SAMSN1: variants seen among roughly 807,000 people sequenced by gnomAD.
SAMSN1 encodes SAM domain, SH3 domain and nuclear localization signals 1.
A neutral mutation model predicts 42.0 loss-of-function variants in SAMSN1; 31 were observed. That is an observed-to-expected ratio of 0.74 (90% CI 0.55 to 1.00). The LOEUF (loss-of-function observed/expected upper bound fraction) is 1.00, where lower values mean the gene tolerates loss of function less well. SAMSN1 is among the 50% of genes least tolerant of loss of function. The pLI is 0.00. For missense variants in SAMSN1, 464 were observed against 439.4 expected (o/e 1.06, Z -0.50); for synonymous variants, 178 against 151.9 (o/e 1.17, Z -1.26).
At chr21:14,650,962 C>T (rs1379856186) in intron 1 of SAMSN1, among the ~76,000 whole-genome samples, 1 of 151,774 alleles carries the variant, frequency 6.6e-6, no homozygotes, top group Non-Finnish European at 1.5e-5. Context: ...ATACAACCTA[C>T]CAAGATTGAA....
chr21:14,522,589 T>C (rs1158568461), intron 1 of SAMSN1, among the ~76,000 whole-genome samples: 3 of 152,076 alleles, frequency 2.0e-5, no homozygotes, highest in African/African-American at 7.2e-5. Flanking sequence ...AAACCAGGTG[T>C]AACAAAATCC....
rs1369451894 is a variant in SAMSN1 at position 14,485,764 on chromosome 21, A to G, written c.*148T>C. ...TAATTTGGAATGTTAGAGATACAAA[A>G]TTTTATGTACAATTATTCAGATTAA... On this transcript the variant is annotated 3_prime_UTR_variant, in exon 8 of 8. Coordinates refer to ENST00000400566, the MANE Select transcript of SAMSN1 (RefSeq NM_022136.5). The G allele has an allele frequency of 3.4e-6, 2 of 590,556 alleles. No homozygotes were observed. Among genetic ancestry groups the G allele is most frequent in the African/African-American group, 1.9e-5 (1 of 53,970 alleles). 36.6% of individuals were successfully genotyped at this position (590,556 alleles called of 1,614,324 possible). A position where few individuals can be genotyped will look rare whatever the true frequency, so the allele number is the denominator to read the frequency against.
intron 4 of SAMSN1, chr21:14,612,619 G>T (rs1388384675): frequency 5.5e-6 from 3 of 547,638 alleles, no homozygotes; most frequent in Non-Finnish European, 1.1e-5. Context: ...AAGATGAGCA[G>T]CCAATGAACT....
chr21:14,502,592 CA>C (rs1278904630), intron 5 of SAMSN1, among the ~76,000 whole-genome samples: 2 of 152,184 alleles, frequency 1.3e-5, no homozygotes, highest in African/African-American at 2.4e-5. Context: ...CAGGCAGCAG[CA>C]GCAGTGGTCC....
chr21:14,639,840 A>T (rs1239644123), intron 2 of SAMSN1, among the ~76,000 whole-genome samples: 1 of 152,116 alleles, frequency 6.6e-6, no homozygotes, highest in African/African-American at 2.4e-5. Context: ...TGCCTTTCCT[A>T]ATATACTGCA....
chr21:14,540,361 C>T (rs1263374134), intron 1 of SAMSN1, among the ~76,000 whole-genome samples: 1 of 152,132 alleles, frequency 6.6e-6, no homozygotes. Flanking sequence ...AGGCAACCTA[C>T]AGAATGGGAG....
At chr21:14,585,947 T>A (rs741929), upstream of SAMSN1, among the ~76,000 whole-genome samples, 2,546 of 152,130 alleles carry the variant, frequency 0.017, 30 homozygotes, top group Non-Finnish European at 0.026. Flanking sequence ...ATTACAACTA[T>A]GTATTAAAAA....
At position 14,500,612 on chromosome 21, in the gene SAMSN1, G is replaced by A; in HGVS notation, c.685C>T (p.Pro229Ser). The A allele has an allele frequency of 1.2e-6, 2 of 1,613,882 alleles. No homozygotes were observed. Among genetic ancestry groups the A allele is most frequent in the South Asian group, 1.1e-5 (1 of 91,062 alleles). The change falls in exon 6 of 8, where the codon CCC becomes TCC. Residue 229 changes from proline (P) to serine (S), a missense_variant. Physicochemically the swap from Pro to Ser is moderately conservative, Grantham distance 74. Coordinates refer to ENST00000400566, the MANE Select transcript of SAMSN1 (RefSeq NM_022136.5). The stretch of plus-strand genomic sequence containing the variant: ...CTTCGGTTTGCCTTTATTTTCTTGG[G>A]GGCTGCTTCCTCTTCTGAGATGACA... ...VDVISEEEAA[P>S]KKIKANRRSN...
At chr21:14,591,433 G>T (rs1390470524) in intron 7 of SAMSN1, 1 of 152,164 alleles carries the variant, frequency 6.6e-6, no homozygotes, top group Non-Finnish European at 1.5e-5. Context: ...AAGAAAAATA[G>T]TCATCTGTTT....
At chr21:14,615,915 A>C (rs967890512) in intron 3 of SAMSN1, 2 of 464,276 alleles carry the variant, frequency 4.3e-6, no homozygotes, top group Non-Finnish European at 8.0e-6. Context: ...TCCACTAAAA[A>C]TTCACATTCA....
At chr21:14,519,609 A>G (rs898416161) in intron 2 of SAMSN1, among the ~76,000 whole-genome samples, 1 of 152,130 alleles carries the variant, frequency 6.6e-6, no homozygotes, top group African/African-American at 2.4e-5. Flanking sequence ...ACAATTATGT[A>G]CAAGTTTACT....
At chr21:14,514,968 C>T (rs1425937853) in intron 3 of SAMSN1, among the ~76,000 whole-genome samples, 1 of 151,720 alleles carries the variant, frequency 6.6e-6, no homozygotes, top group African/African-American at 2.4e-5. Flanking sequence ...ATGGAGCATC[C>T]AGGAACAAGC....
chr21:14,509,658 C>A (rs900715450), intron 5 of SAMSN1, among the ~76,000 whole-genome samples: 1 of 152,212 alleles, frequency 6.6e-6, no homozygotes, highest in East Asian at 1.9e-4. Context: ...TTCATTATTT[C>A]TATTCCTGCA....
chr21:14,504,731 C>G (rs533173425), intron 5 of SAMSN1, among the ~76,000 whole-genome samples: 29 of 152,242 alleles, frequency 1.9e-4, no homozygotes, highest in Non-Finnish European at 3.8e-4. Flanking sequence ...ATCTAGACAT[C>G]CAAATACAAG....
chr21:14,624,062 T>C (rs764528592), intron 2 of SAMSN1, among the ~76,000 whole-genome samples: 1 of 152,184 alleles, frequency 6.6e-6, no homozygotes, highest in Non-Finnish European at 1.5e-5. Context: ...AAAAGAAAGA[T>C]GTTCTTTGAA....
chr21:14,546,146 T>C (rs1342219291), intron 1 of SAMSN1, 59 bp downstream of exon 1: 4 of 1,431,484 alleles, frequency 2.8e-6, no homozygotes, highest in Non-Finnish European at 3.9e-6. Flanking sequence ...AACACACATA[T>C]GTGTTTATTT....
rs544301834 is a variant in SAMSN1, at chr21:14,624,515, T to C, written c.157-8499A>G. 7.9e-5 allele frequency among the ~76,000 whole-genome samples: 12 copies of C among 152,184 alleles called. No individual in the cohort carries two copies. The East Asian group carries it at 1.7e-3, about 22-fold the overall frequency. On this transcript the variant is annotated intron_variant, in intron 2 of 15. Coordinates refer to the SAMSN1 transcript ENST00000647101. ...TATAAACACCTCTACGCAAATAAAC[T>C]ACAAAATCTAGAAGAAATGGATAAA...
chr21:14,540,427 A>G (rs531578633), intron 1 of SAMSN1, among the ~76,000 whole-genome samples: 2 of 152,344 alleles, frequency 1.3e-5, no homozygotes, highest in African/African-American at 4.8e-5. Flanking sequence ...ATCTACAGTG[A>G]ACTCCAACAA....
chr21:14,647,108 T>A (rs1469640594), intron 1 of SAMSN1, among the ~76,000 whole-genome samples: 1 of 152,068 alleles, frequency 6.6e-6, no homozygotes, highest in African/African-American at 2.4e-5. Context: ...AAATCTCCAA[T>A]CAAAAGACAT....
Sources: allele counts gnomAD v4.1 joint callset (sites outside exome capture counted in the v4.1 genomes callset), GRCh38; gene constraint gnomAD v4.1.1; transcripts MANE v1.5; gene names NCBI Gene and HGNC (gene_info 2026-07-23, HGNC 2026-07-21).